Variants in ABHD15 observed in about 807,000 individuals in gnomAD.
The protein encoded by ABHD15 is protein ABHD15.
A neutral mutation model predicts 34.4 loss-of-function variants in ABHD15; 34 were observed. The ratio of observed to expected loss-of-function variants is 0.99; its 90% confidence interval spans 0.75 to 1.32. ABHD15 has a LOEUF of 1.32. Among genes scored for constraint, ABHD15 ranks in the 40% most tolerant of loss-of-function variants. The pLI is 0.00. For missense variants in ABHD15, 644 were observed against 650.4 expected (o/e 0.99, Z 0.11); for synonymous variants, 314 against 299.2 (o/e 1.05, Z -0.51).
intron 1 of ABHD15, among the ~76,000 whole-genome samples, chr17:29,564,659 G>C (rs942136054): frequency 1.3e-5 from 2 of 152,170 alleles, no homozygotes; most frequent in African/African-American, 4.8e-5. Context: ...TTCAAGACCA[G>C]CCTGGACAAC....
chr17:29,566,167 C>G lies in ABHD15; in HGVS notation c.800G>C (p.Arg267Pro). ...GCCGGCCTCGAACCACTCTCGGCAGCGCAGCACGGGCGAGATGCAGGCGGC... is the reference window on the plus strand; with the variant it reads ...GCCGGCCTCGAACCACTCTCGGCAGGGCAGCACGGGCGAGATGCAGGCGGC... The part of the protein sequence containing the change: ...TGAACISPVL[R>P]CREWFEAGLP... Residue 267 changes from arginine (R) to proline (P), a missense_variant, in exon 1 of 2, where the codon CGC (arginine) becomes CCC (proline). By Grantham distance (103) the Arg-to-Pro change is moderately radical (BLOSUM62 -2). Coordinates refer to ENST00000307201, the MANE Select transcript of ABHD15 (RefSeq NM_198147.3). The G allele has an allele frequency of 6.2e-7, 1 of 1,607,384 alleles. No homozygotes were observed. Among genetic ancestry groups the G allele is most frequent in the Non-Finnish European group, 8.5e-7 (1 of 1,176,256 alleles).
At position 29,566,676 on chromosome 17, in the gene ABHD15, C is replaced by A; in HGVS notation, c.291G>T (p.Pro97=). 1 of 1,596,364 alleles carries A rather than the reference C, an allele frequency of 6.3e-7. No individual in the cohort carries two copies. The highest frequency in any genetic ancestry group is 1.7e-5 in the Admixed American group (1 of 58,898). Residue 97 remains proline (P), a synonymous_variant, in exon 1 of 2, where the codon CCG becomes CCT. Coordinates refer to ENST00000307201, the MANE Select transcript of ABHD15 (RefSeq NM_198147.3). ...LRRSEALEAG[P]RSWFSGPHLQ... ...GGTGGGGCCCGGAGAACCAGGAGCG[C>A]GGGCCGGCCTCCAGCGCCTCTGAGC...
rs768584286 is a variant in ABHD15, at chr17:29,562,514, A to G, written c.*47T>C. The G allele has an allele frequency of 4.5e-6, 7 of 1,557,890 alleles. No individual in the cohort carries two copies. Among genetic ancestry groups the G allele is most frequent in the Non-Finnish European group, 6.1e-6 (7 of 1,151,322 alleles). ...ATCTTTCCAGGACTCCCCCTTGCCC[A>G]GCTCTGTTTTTCTTTGCAGGACTTG... On this transcript the variant is annotated 3_prime_UTR_variant, in exon 2 of 2. Coordinates refer to ENST00000307201, the MANE Select transcript of ABHD15 (RefSeq NM_198147.3).
rs566572516 is a variant in ABHD15 at position 29,563,550 on chromosome 17, T to G, written c.882-464A>C. Among the ~76,000 whole-genome samples the G allele has an allele frequency of 3.3e-5, 5 of 151,688 alleles. No homozygotes were observed. The South Asian group carries it at 6.2e-4, about 19-fold the overall frequency. On this transcript the variant is annotated intron_variant, in intron 1 of 1. Transcript: ENST00000307201. Reference sequence around the variant, plus strand: ...GACACAGAGAGACCATTTCAAAAAATAAAATAAAATAATATAAAATAATAA... The same window carrying G: ...GACACAGAGAGACCATTTCAAAAAAGAAAATAAAATAATATAAAATAATAA...
chr17:29,565,335 CA>C lies in ABHD15; in HGVS notation c.881+750del, dbSNP rs1360717947. Among the ~76,000 whole-genome samples, 5 of 151,572 alleles carry C rather than the reference CA, an allele frequency of 3.3e-5. No individual in the cohort carries two copies. In the East Asian group the frequency reaches 9.7e-4, roughly 29 times the overall value. ...CGTGTGTGTGTATATATATATATAA[CA>C]TTTTTTTTTGAGACAGGGTGTTGCT... On this transcript the variant is annotated intron_variant, in intron 1 of 1. Transcript: ENST00000307201.
chr17:29,565,183 C>T (rs1217833678), intron 1 of ABHD15, among the ~76,000 whole-genome samples: 1 of 151,950 alleles, frequency 6.6e-6, no homozygotes, highest in Non-Finnish European at 1.5e-5. Context: ...AGCTTGCACC[C>T]AGGAGGTGGA....
In ABHD15 at chr17:29,566,745, G is replaced by A. The variant is rs2032723966; in HGVS notation, c.222C>T (p.Cys74=). The change falls in exon 1 of 2, where the codon TGC becomes TGT. Residue 74 remains cysteine, a synonymous_variant. Coordinates refer to ENST00000307201, the MANE Select transcript of ABHD15 (RefSeq NM_198147.3). Reference sequence around the variant, plus strand: ...GGCACTGGGCCAGGGCCGACGGCTTGCAAACAAGGCTGCACCCTCCCGGCA... The same window carrying A: ...GGCACTGGGCCAGGGCCGACGGCTTACAAACAAGGCTGCACCCTCCCGGCA... ...EPLPGGCSLV[C]KPSALAQCLL... 1.3e-6 allele frequency: 2 copies of A among 1,553,536 alleles called. No homozygotes were observed. Among genetic ancestry groups the A allele is most frequent in the South Asian group, 2.3e-5 (2 of 86,022 alleles).
chr17:29,561,583 G>A lies in ABHD15; in HGVS notation c.*978C>T, dbSNP rs2032628781. ...GGTGCTTTTGTTTCCTCTGGTCCCAGATGTGTCTCCTGGCTCTGGAAAGGG... is the reference window on the plus strand; with the variant it reads ...GGTGCTTTTGTTTCCTCTGGTCCCAAATGTGTCTCCTGGCTCTGGAAAGGG... On this transcript the variant is annotated 3_prime_UTR_variant, in exon 2 of 2. Transcript: ENST00000307201. The A allele has an allele frequency of 6.6e-6, 1 of 152,422 alleles. No homozygotes were observed. The highest frequency in any genetic ancestry group is 2.4e-5 in the African/African-American group (1 of 41,460). The allele number at this position is 152,422 out of a possible 1,614,324, so 9.4% of individuals were successfully genotyped here.
At chr17:29,563,850 C>T (rs2032665927) in intron 1 of ABHD15, among the ~76,000 whole-genome samples, 1 of 152,044 alleles carries the variant, frequency 6.6e-6, no homozygotes, top group African/African-American at 2.4e-5. Context: ...CAGAGCGAGA[C>T]TCCATCTCAA....
Position 29,566,718 on chromosome 17 carries a change from C to T in ABHD15, c.249G>A (p.Leu83=), listed in dbSNP as rs1361936545. The T allele has an allele frequency of 6.3e-7, 1 of 1,577,382 alleles. No individual in the cohort carries two copies. The highest frequency in any genetic ancestry group is 8.6e-7 in the Non-Finnish European group (1 of 1,168,354). The change falls in exon 1 of 2, where the codon CTG becomes CTA. Residue 83 remains leucine, a synonymous_variant. Coordinates refer to ENST00000307201, the MANE Select transcript of ABHD15 (RefSeq NM_198147.3). ...CCTCTGAGCGCCGCAGGGCGCGCAG[C>T]AGGCACTGGGCCAGGGCCGACGGCT... ...VCKPSALAQC[L]LRALRRSEAL...
Position 29,566,617 on chromosome 17 carries a change from G to A in ABHD15, c.350C>T (p.Ala117Val). Residue 117 changes from alanine (A) to valine (V), a missense_variant, in exon 1 of 2, where the codon GCG (alanine) becomes GTG (valine). Transcript: ENST00000307201. ...QTLCHFVLPVAPGPELAREYL... is the reference protein window; with the variant it reads ...QTLCHFVLPVVPGPELAREYL... Reference sequence around the variant, plus strand: ...CTCCCGGGCCAGCTCAGGCCCAGGCGCTACGGGCAGGACGAAGTGGCAGAG... The same window carrying A: ...CTCCCGGGCCAGCTCAGGCCCAGGCACTACGGGCAGGACGAAGTGGCAGAG... 1 of 1,608,464 alleles carries A rather than the reference G, an allele frequency of 6.2e-7. No individual in the cohort carries two copies. The highest frequency in any genetic ancestry group is 8.5e-7 in the Non-Finnish European group (1 of 1,179,630).
chr17:29,564,894 G>C (rs1454315416), intron 1 of ABHD15, among the ~76,000 whole-genome samples: 1 of 152,072 alleles, frequency 6.6e-6, no homozygotes, highest in Non-Finnish European at 1.5e-5. Context: ...GGAACTCAAG[G>C]CTGCAATGAG....
At position 29,566,504 on chromosome 17, in the gene ABHD15, C is replaced by A; in HGVS notation, c.463G>T (p.Gly155Cys). The A allele has an allele frequency of 6.2e-7, 1 of 1,611,436 alleles. No homozygotes were observed. The highest frequency in any genetic ancestry group is 8.5e-7 in the Non-Finnish European group (1 of 1,179,760). The change falls in exon 1 of 2, where the codon GGC (glycine) becomes TGC (cysteine). Residue 155 changes from glycine (G) to cysteine (C), a missense_variant. Gly to Cys is a radical substitution (Grantham distance 159). Transcript: ENST00000307201. ...VRGRRITSAG[G>C]LPAVLLVIPN... is the part of the protein sequence containing the mutation. ...ATCACCAGAAGCACCGCAGGAAGGC[C>A]CCCGGCGCTGGTGATCCGGCGGCCC... is the stretch of plus-strand genomic sequence containing the variant.
Position 29,566,175 on chromosome 17 carries a change from G to A in ABHD15, c.792C>T (p.Pro264=), listed in dbSNP as rs1448872185. Reference sequence around the variant, plus strand: ...CGAACCACTCTCGGCAGCGCAGCACGGGCGAGATGCAGGCGGCGCCTGTCA... The same window carrying A: ...CGAACCACTCTCGGCAGCGCAGCACAGGCGAGATGCAGGCGGCGCCTGTCA... ...SYVTGAACIS[P]VLRCREWFEA... The change falls in exon 1 of 2, where the codon CCC becomes CCT. Residue 264 remains proline, a synonymous_variant. Transcript: ENST00000307201. 1.9e-6 allele frequency: 3 copies of A among 1,608,826 alleles called. No individual in the cohort carries two copies. Among genetic ancestry groups the A allele is most frequent in the Non-Finnish European group, 1.7e-6 (2 of 1,177,232 alleles).
At position 29,562,981 on chromosome 17, in the gene ABHD15, G is replaced by A; in HGVS notation, c.987C>T (p.Pro329=). 1 of 1,613,856 alleles carries A rather than the reference G, an allele frequency of 6.2e-7. No individual in the cohort carries two copies. Among genetic ancestry groups the A allele is most frequent in the Non-Finnish European group, 8.5e-7 (1 of 1,179,988 alleles). Residue 329 remains proline (P), a synonymous_variant, in exon 2 of 2, where the codon CCC becomes CCT. Transcript: ENST00000307201. ...EALFCHTKSF[P]ISWDTYWDRN... Reference sequence around the variant, plus strand: ...GGTCCCAGTAGGTATCCCAGCTGATGGGGAAGCTTTTGGTGTGGCAGAAGA... The same window carrying A: ...GGTCCCAGTAGGTATCCCAGCTGATAGGGAAGCTTTTGGTGTGGCAGAAGA...
Position 29,562,675 on chromosome 17 carries a change from G to A in ABHD15, c.1293C>T (p.His431=), listed in dbSNP as rs764090375. The change falls in exon 2 of 2, where the codon CAC becomes CAT. Residue 431 remains histidine, a synonymous_variant. Transcript: ENST00000307201. ...GACGGCCCCCAAGGAAGGAAGCTCT[G>A]TGCCTGCTCAGCCCTTTAATCCTCT... The part of the protein sequence containing the change: ...TEERIKGLSR[H]RASFLGGRRR... 4.3e-6 allele frequency: 7 copies of A among 1,613,974 alleles called. No individual in the cohort carries two copies. The East Asian group carries it at 1.1e-4, about 26-fold the overall frequency.
Position 29,566,877 on chromosome 17 carries a change from C to T in ABHD15, c.90G>A (p.Gly30=), listed in dbSNP as rs2032729388. 6.7e-7 allele frequency: 1 copy of T among 1,497,824 alleles called. No homozygotes were observed. Among genetic ancestry groups the T allele is most frequent in the African/African-American group, 1.5e-5 (1 of 68,710 alleles). 92.8% of individuals were successfully genotyped at this position (1,497,824 alleles called of 1,614,324 possible). A position where few individuals can be genotyped will look rare whatever the true frequency, so the allele number is the denominator to read the frequency against. Reference sequence around the variant, plus strand: ...GCAGGGTCCTCTCTCCGACGGCGCGCCCCCAGGGTCCCCGGAGCCGCGGGC... The same window carrying T: ...GCAGGGTCCTCTCTCCGACGGCGCGTCCCCAGGGTCCCCGGAGCCGCGGGC... ...LLGPRLRGPW[G]RAVGERTLPG... is the part of the protein sequence containing the mutation. The change falls in exon 1 of 2, where the codon GGG becomes GGA. Residue 30 remains glycine, a synonymous_variant. Coordinates refer to ENST00000307201, the MANE Select transcript of ABHD15 (RefSeq NM_198147.3).
chr17:29,565,344 T>C (rs1332772659), intron 1 of ABHD15, among the ~76,000 whole-genome samples: 2 of 152,158 alleles, frequency 1.3e-5, no homozygotes, highest in Non-Finnish European at 2.9e-5. Context: ...ACATTTTTTT[T>C]TGAGACAGGG....
In ABHD15 at chr17:29,566,669, A is replaced by G. The variant is rs1424947031; in HGVS notation, c.298T>C (p.Trp100Arg). The G allele has an allele frequency of 6.3e-7, 1 of 1,599,458 alleles. No individual in the cohort carries two copies. Among genetic ancestry groups the G allele is most frequent in the African/African-American group, 1.3e-5 (1 of 74,834 alleles). Residue 100 changes from tryptophan (W) to arginine (R), a missense_variant, in exon 1 of 2, where the codon TGG becomes CGG. Trp to Arg is a moderately radical substitution (Grantham distance 101). Transcript: ENST00000307201. Reference protein sequence around the residue: ...SEALEAGPRSWFSGPHLQTLC... With the variant: ...SEALEAGPRSRFSGPHLQTLC... ...GTCTGCAGGTGGGGCCCGGAGAACC[A>G]GGAGCGCGGGCCGGCCTCCAGCGCC...
Sources: allele counts gnomAD v4.1 joint callset (sites outside exome capture counted in the v4.1 genomes callset), GRCh38; gene constraint gnomAD v4.1.1; transcripts MANE v1.5; gene names NCBI Gene and HGNC (gene_info 2026-07-23, HGNC 2026-07-21).